The following TTC6 variants were observed in gnomAD, a reference collection of about 807,000 sequenced individuals.
TTC6 encodes tetratricopeptide repeat domain 6, also known as tetratricopeptide repeat protein 6.
Under a neutral mutation model 210.4 loss-of-function variants are expected in TTC6, and 172 were observed. That is an observed-to-expected ratio of 0.82 (90% CI 0.72 to 0.93). The LOEUF (loss-of-function observed/expected upper bound fraction) is 0.93. Ranked by LOEUF, TTC6 falls within the 40% of genes least tolerant of loss-of-function variation. The pLI is 0.00. For synonymous variants in TTC6, 804 were observed against 819.6 expected (o/e 0.98, Z 0.32); for missense variants, 2,414 against 2,318.1 (o/e 1.04, Z -0.85).
chr14:37,673,005 A>T (rs1399807130), intron 1 of TTC6, among the ~76,000 whole-genome samples: 3 of 152,148 alleles, frequency 2.0e-5, no homozygotes, highest in African/African-American at 7.2e-5. Context: ...TGCATAAAAG[A>T]TGCTATACAC....
intron 4 of TTC6, among the ~76,000 whole-genome samples, chr14:37,700,033 G>A (rs543214440): frequency 1.5e-4 from 23 of 150,362 alleles, no homozygotes; most frequent in Non-Finnish European, 2.8e-4. Flanking sequence ...TGAAGGAAGA[G>A]CAATTTCAAC....
At chr14:37,822,057 G>T (rs2096158851) in intron 26 of TTC6, among the ~76,000 whole-genome samples, 1 of 151,806 alleles carries the variant, frequency 6.6e-6, no homozygotes, top group South Asian at 2.1e-4. Context: ...GTGATTACAG[G>T]CGTGAGCCAC....
Position 37,639,349 on chromosome 14 carries a change from C to T in TTC6, c.939+16346C>T, listed in dbSNP as rs144447267. Among the ~76,000 whole-genome samples the T allele has an allele frequency of 6.6e-5, 10 of 152,312 alleles. No homozygotes were observed. The East Asian group carries it at 1.9e-3, about 29-fold the overall frequency. On this transcript the variant is annotated intron_variant, in intron 1 of 30. Transcript: ENST00000553443. ...GGCAAATCTTTTCTACTGAAAACTA[C>T]AGACACTTTTATTACACTTTTCTCT...
chr14:37,679,813 C>T (rs1365655860), intron 1 of TTC6, among the ~76,000 whole-genome samples: 1 of 152,052 alleles, frequency 6.6e-6, no homozygotes, highest in Non-Finnish European at 1.5e-5. Flanking sequence ...GCCTCAGCCT[C>T]CCAAGTAGCT....
chr14:37,837,377 G>A (rs2096200169), intron 29 of TTC6: 1 of 454,246 alleles, frequency 2.2e-6, no homozygotes, highest in Admixed American at 2.4e-5. Flanking sequence ...CTGAGAACTG[G>A]GGGTGCAACC....
intron 20 of TTC6, among the ~76,000 whole-genome samples, chr14:37,797,848 AT>A (rs998931858): frequency 2.0e-4 from 30 of 152,052 alleles, no homozygotes; most frequent in African/African-American, 6.5e-4. Flanking sequence ...GAGTGATAAA[AT>A]TTCAGTTTTC....
chr14:37,807,522 G>C, intron 23 of TTC6, 62 bp downstream of exon 25: 1 of 1,354,740 alleles, frequency 7.4e-7, no homozygotes, highest in Non-Finnish European at 9.7e-7. Flanking sequence ...CTTATGCTAG[G>C]CAGGGGACTC....
chr14:37,826,919 CAGATA>C (rs2096173110), intron 28 of TTC6, among the ~76,000 whole-genome samples: 1 of 152,100 alleles, frequency 6.6e-6, no homozygotes, highest in Non-Finnish European at 1.5e-5. Context: ...AACAGCTAAA[CAGATA>C]AGCTTTTCCA....
Position 37,807,310 on chromosome 14 carries a change from C to G in TTC6, c.4315-10C>G. ...ATCCATTCCTGCTTTCTCTCTCTCT[C>G]TCTGAATAGGCATATTTAAGCCGAG... On this transcript the variant is annotated splice_polypyrimidine_tract_variant and intron_variant, in intron 22 of 30. Transcript: ENST00000553443. The G allele has an allele frequency of 6.6e-7, 1 of 1,505,646 alleles. No individual in the cohort carries two copies. Among genetic ancestry groups the G allele is most frequent in the Non-Finnish European group, 8.9e-7 (1 of 1,125,442 alleles). 93.3% of individuals were successfully genotyped at this position (1,505,646 alleles called of 1,614,324 possible).
intron 1 of TTC6, among the ~76,000 whole-genome samples, chr14:37,628,266 C>T (rs943229245): frequency 5.3e-5 from 8 of 152,178 alleles, no homozygotes; most frequent in Non-Finnish European, 1.0e-4. Flanking sequence ...AGCCACTGTG[C>T]CTGGCCTGTT....
chr14:37,629,967 A>G (rs1184233800), intron 1 of TTC6, among the ~76,000 whole-genome samples: 1 of 152,166 alleles, frequency 6.6e-6, no homozygotes, highest in Admixed American at 6.5e-5. Flanking sequence ...CGACTCGATC[A>G]TAGTGGATAA....
intron 16 of TTC6, 79 bp from the exon 19 acceptor site, chr14:37,792,184 AT>A (rs1426464300): frequency 4.9e-5 from 55 of 1,125,820 alleles, no homozygotes; most frequent in Middle Eastern, 4.1e-4. Flanking sequence ...CATCTGTTTC[AT>A]TCAGTTTATT....
intron 29 of TTC6, chr14:37,837,336 C>G (rs1209733856): frequency 1.6e-5 from 7 of 436,368 alleles, no homozygotes; most frequent in Non-Finnish European, 2.3e-5. Context: ...AAAGTCTTGG[C>G]CTGGCTTGGA....
chr14:37,792,075 A>G (rs1696571441), intron 16 of TTC6, among the ~76,000 whole-genome samples, 189 bp from the exon 19 acceptor site: 1 of 152,264 alleles, frequency 6.6e-6, no homozygotes, highest in South Asian at 2.1e-4. Context: ...ATTCCTTACT[A>G]AGGGTTTCAT....
chr14:37,766,704 T>C (rs148316955), intron 14 of TTC6, among the ~76,000 whole-genome samples: 114 of 152,332 alleles, frequency 7.5e-4, no homozygotes, highest in African/African-American at 2.5e-3. Context: ...TACAATGATT[T>C]ATATTTCTTT....
intron 5 of TTC6, among the ~76,000 whole-genome samples, chr14:37,703,216 T>G (rs2095828866): frequency 6.6e-6 from 1 of 152,030 alleles, no homozygotes; most frequent in African/African-American, 2.4e-5. Context: ...CAGCTATAAT[T>G]ATTCACGCAA....
intron 14 of TTC6, among the ~76,000 whole-genome samples, chr14:37,760,892 C>T (rs1595213528): frequency 6.6e-6 from 1 of 152,216 alleles, no homozygotes; most frequent in Non-Finnish European, 1.5e-5. Context: ...CCCAGGTCGA[C>T]TTCAGACTGT....
chr14:37,715,055 G>A (rs2095850385), intron 6 of TTC6, among the ~76,000 whole-genome samples: 1 of 152,038 alleles, frequency 6.6e-6, no homozygotes, highest in Non-Finnish European at 1.5e-5. Flanking sequence ...TGTGGTCCCA[G>A]CTACTTGGGA....
chr14:37,736,121 C>T (rs1336992743), intron 8 of TTC6, 111 bp downstream of exon 10: 4 of 632,868 alleles, frequency 6.3e-6, no homozygotes, highest in East Asian at 5.9e-5. Context: ...CATGGTGGCT[C>T]ATGTCTGTAA....
Sources: gnomAD v4.1 joint callset for allele counts (sites outside exome capture counted in the v4.1 genomes callset) on GRCh38, gnomAD v4.1.1 for gene constraint, MANE v1.5 for transcripts, NCBI Gene and HGNC (gene_info 2026-07-23, HGNC 2026-07-21) for gene names.